Variants in TRIM28 observed in about 807,000 individuals in gnomAD.
TRIM28 encodes transcription intermediary factor 1-beta.
Under a neutral mutation model 87.4 loss-of-function variants are expected in TRIM28, and 8 were observed. The ratio of observed to expected loss-of-function variants is 0.09; its 90% confidence interval spans 0.05 to 0.17. The LOEUF (loss-of-function observed/expected upper bound fraction) is 0.17. TRIM28 is among the 10% of genes least tolerant of loss of function. The pLI is 1.00. For missense variants in TRIM28, 968 were observed against 1,131.8 expected, an observed-to-expected ratio of 0.86 and a Z score of 2.08; for synonymous variants, 601 against 454.3, an observed-to-expected ratio of 1.32 and a Z score of -4.11.
At chr19:58,545,953 C>G in intron 3 of TRIM28, 57 bp downstream of exon 3, 1 of 1,545,712 alleles carries the variant, frequency 6.5e-7, no homozygotes, top group Non-Finnish European at 8.8e-7. Context: ...CCCTCAGTTG[C>G]TTTTATGATG....
Position 58,550,563 on chromosome 19 carries a change from C to A in TRIM28, c.*10C>A, listed in dbSNP as rs766605488. The stretch of plus-strand genomic sequence containing the variant: ...TGGTGATGGCCCCTGAGGCTGGAGC[C>A]CCCATGGCCAGCCCAGCCTGGCTCT... On this transcript the variant is annotated 3_prime_UTR_variant, in exon 17 of 17. Coordinates refer to ENST00000253024, the MANE Select transcript of TRIM28 (RefSeq NM_005762.3). The A allele has an allele frequency of 3.1e-6, 5 of 1,601,316 alleles. No individual in the cohort carries two copies. The highest frequency in any genetic ancestry group is 1.3e-5 in the African/African-American group (1 of 74,814).
chr19:58,550,317 G>C (rs777428708), intron 16 of TRIM28, 33 bp downstream of exon 16: 1 of 1,613,640 alleles, frequency 6.2e-7, no homozygotes, highest in Admixed American at 1.7e-5. Flanking sequence ...CTGTGGGCAG[G>C]GGGAGATGTG....
chr19:58,547,146 T>C, intron 3 of TRIM28: 1 of 564,468 alleles, frequency 1.8e-6, no homozygotes, highest in Non-Finnish European at 3.1e-6. Context: ...TTGTTATCTC[T>C]AGAAGCTAGA....
In TRIM28 at chr19:58,545,003, C is replaced by T. The variant is rs763682767; in HGVS notation, c.246C>T (p.Pro82=). The T allele has an allele frequency of 6.6e-7, 1 of 1,514,408 alleles. No individual in the cohort carries two copies. Among genetic ancestry groups the T allele is most frequent in the South Asian group, 1.2e-5 (1 of 81,890 alleles). 93.8% of individuals were successfully genotyped at this position (1,514,408 alleles called of 1,614,324 possible). The change falls in exon 1 of 17, where the codon CCC becomes CCT. Residue 82 remains proline (P), a synonymous_variant. Transcript: ENST00000253024. ...CCGAGAGGGAGCCCCGCCTGCTGCC[C>T]TGTTTGCACTCGGCCTGTAGTGCCT... ...LRPEREPRLL[P]CLHSACSACL...
Position 58,549,116 on chromosome 19 carries a change from C to T in TRIM28, c.1538C>T (p.Thr513Ile), listed in dbSNP as rs1235643986. 6.2e-7 allele frequency: 1 copy of T among 1,614,164 alleles called. No individual in the cohort carries two copies. Among genetic ancestry groups the T allele is most frequent in the Admixed American group, 1.7e-5 (1 of 60,028 alleles). Residue 513 changes from threonine (T) to isoleucine (I), a missense_variant, in exon 12 of 17, where the codon ACC becomes ATC. Around this residue, in one of 11 missense-constraint regions of TRIM28, gnomAD observed 23 missense variants for 56.7 expected, o/e 0.41. Coordinates refer to ENST00000253024, the MANE Select transcript of TRIM28 (RefSeq NM_005762.3). The surrounding 1 kb of genome is among the most constrained non-coding windows in gnomAD (Gnocchi z 4.4). The part of the protein sequence containing the change: ...PPVFKVFPGS[T>I]TEDYNLIVIE... ...GTCTTCAAGGTCTTCCCAGGCAGTACCACTGAGGACTACAACCTTATTGTT... is the reference window on the plus strand; with the variant it reads ...GTCTTCAAGGTCTTCCCAGGCAGTATCACTGAGGACTACAACCTTATTGTT...
chr19:58,544,846 A>G lies in TRIM28; in HGVS notation c.89A>G (p.Glu30Gly). ...PGPGEGSAGGEKRSTAPSAAA... is the reference protein window; with the variant it reads ...PGPGEGSAGGGKRSTAPSAAA... ...CCGGGCGAGGGCTCCGCTGGCGGCG[A>G]AAAGCGCTCCACCGCCCCTTCGGCC... The change falls in exon 1 of 17, where the codon GAA becomes GGA. Residue 30 changes from glutamate (E) to glycine (G), a missense_variant. Transcript: ENST00000253024. 2 of 1,285,552 alleles carry G rather than the reference A, an allele frequency of 1.6e-6. No individual in the cohort carries two copies. The highest frequency in any genetic ancestry group is 9.8e-7 in the Non-Finnish European group (1 of 1,017,020). 79.6% of individuals were successfully genotyped at this position (1,285,552 alleles called of 1,614,324 possible).
chr19:58,547,243 C>T, intron 3 of TRIM28, 133 bp from the exon 4 acceptor site: 1 of 1,202,336 alleles, frequency 8.3e-7, no homozygotes, highest in South Asian at 1.5e-5. Context: ...CTTCCCTGGC[C>T]ACACCCTCTA....
At chr19:58,545,632 TC>T in intron 2 of TRIM28, 95 bp downstream of exon 2, 1 of 1,496,306 alleles carries the variant, frequency 6.7e-7, no homozygotes, top group Non-Finnish European at 9.2e-7. Context: ...TACTCCACTT[TC>T]CCAAGGCTCT....
chr19:58,547,076 TG>T (rs1053306776), intron 3 of TRIM28: 3 of 206,222 alleles, frequency 1.5e-5, no homozygotes, highest in Non-Finnish European at 1.7e-5. Flanking sequence ...TCAGCGGGGG[TG>T]GGGGGTGGGG....
At position 58,549,617 on chromosome 19, in the gene TRIM28, A is replaced by G; in HGVS notation, c.1949A>G (p.Asp650Gly). 1 of 1,613,600 alleles carries G rather than the reference A, an allele frequency of 6.2e-7. No individual in the cohort carries two copies. ...CAGTGTGAGTTTTGTTTCCACCTGG[A>G]CTGTCACCTGCCGGCCCTGCAGGAT... ...CNQCEFCFHLDCHLPALQDVP... is the reference protein window; with the variant it reads ...CNQCEFCFHLGCHLPALQDVP... Residue 650 changes from aspartate to glycine, a missense_variant, in exon 13 of 17, where the codon GAC becomes GGC. This residue lies in a region of TRIM28 where 18 missense variants were observed against 40.9 expected (regional missense o/e 0.44). Transcript: ENST00000253024. This position sits in a 1 kb window ranked among gnomAD's most constrained non-coding sequence, Gnocchi z 4.4.
At position 58,545,757 on chromosome 19, in the gene TRIM28, C is replaced by T. The variant is rs371102976; in HGVS notation, c.454-7C>T. 8 of 1,599,712 alleles carry T rather than the reference C, an allele frequency of 5.0e-6. No homozygotes were observed. The highest frequency in any genetic ancestry group is 2.7e-5 in the African/African-American group (2 of 74,630). ...TTGCCTTCTCTGACCCTGCCTTTGT[C>T]TGGCAGTGCTGCACTAGCTGTGAGG... On this transcript the variant is annotated splice_polypyrimidine_tract_variant and splice_region_variant and intron_variant, in intron 2 of 16. Transcript: ENST00000253024.
chr19:58,549,892 C>T lies in TRIM28; in HGVS notation c.2106+32C>T, dbSNP rs746200059. The T allele has an allele frequency of 1.3e-5, 21 of 1,613,560 alleles. No homozygotes were observed. The highest frequency in any genetic ancestry group is 1.8e-5 in the Non-Finnish European group (21 of 1,179,748). On this transcript the variant is annotated intron_variant, in intron 14 of 16. Transcript: ENST00000253024. This position sits in a 1 kb window ranked among gnomAD's most constrained non-coding sequence, Gnocchi z 4.4. ...GCTGGGGTTACTTAGGTGGGGTTGC[C>T]CAGAGAGGCTTTATAGGTGCTGCCC...
chr19:58,550,309 G>A (rs950965380), intron 16 of TRIM28, 25 bp downstream of exon 16: 3 of 1,613,776 alleles, frequency 1.9e-6, no homozygotes, highest in African/African-American at 2.7e-5. Context: ...TGGAGAGGCT[G>A]TGGGCAGGGG....
rs1568661801 is a variant in TRIM28 at position 58,548,781 on chromosome 19, G to A, written c.1360+5G>A. On this transcript the variant is annotated splice_donor_5th_base_variant and intron_variant, in intron 10 of 16. Coordinates refer to ENST00000253024, the MANE Select transcript of TRIM28 (RefSeq NM_005762.3). The stretch of plus-strand genomic sequence containing the variant: ...AAGGCTATGGCTTTGGGTCAGGTGA[G>A]TGGGTCTGCCTAGTGGGTGGGGAAG... The A allele has an allele frequency of 6.2e-7, 1 of 1,614,132 alleles. No homozygotes were observed. The highest frequency in any genetic ancestry group is 1.7e-5 in the Admixed American group (1 of 60,028).
At chr19:58,546,567 A>C (rs146383200) in intron 3 of TRIM28, among the ~76,000 whole-genome samples, 29 of 152,260 alleles carry the variant, frequency 1.9e-4, no homozygotes, top group Non-Finnish European at 2.5e-4. Flanking sequence ...GTGGGGCCTG[A>C]GCAGCCAGGA....
In TRIM28 at chr19:58,548,857, C is replaced by T. The variant is rs1435351904; in HGVS notation, c.1361-5C>T. On this transcript the variant is annotated splice_region_variant and splice_polypyrimidine_tract_variant and intron_variant, in intron 10 of 16. Coordinates refer to ENST00000253024, the MANE Select transcript of TRIM28 (RefSeq NM_005762.3). Reference sequence around the variant, plus strand: ...CCTGCCAGTCTTCTTTCTCCATTTTCTAAGGAGATGATCCCTACTCAAGTG... The same window carrying T: ...CCTGCCAGTCTTCTTTCTCCATTTTTTAAGGAGATGATCCCTACTCAAGTG... 1 of 1,614,094 alleles carries T rather than the reference C, an allele frequency of 6.2e-7. No homozygotes were observed. The highest frequency in any genetic ancestry group is 1.7e-5 in the Admixed American group (1 of 60,014).
In TRIM28 at chr19:58,550,005, T is replaced by C. The variant is rs140606602; in HGVS notation, c.2163T>C (p.His721=). 45 of 1,613,990 alleles carry C rather than the reference T, an allele frequency of 2.8e-5. No homozygotes were observed. The African/African-American group carries it at 5.9e-4, about 21-fold the overall frequency. ...GTCACGAACCCTGCCGCCCCCTGCA[T>C]CAGCTGGCTACCGACTCCACCTTCT... ...LFCHEPCRPL[H]QLATDSTFSL... Residue 721 remains histidine (H), a synonymous_variant, in exon 15 of 17, where the codon CAT becomes CAC. Transcript: ENST00000253024.
Position 58,549,220 on chromosome 19 carries a change from G to A in TRIM28, c.1642G>A (p.Ala548Thr). Residue 548 changes from alanine to threonine, a missense_variant, in exon 12 of 17, where the codon GCT (alanine) becomes ACT (threonine). Ala to Thr is a moderately conservative substitution (Grantham distance 58, BLOSUM62 0). This residue lies in a region of TRIM28 where 164 missense variants were observed against 146.2 expected (regional missense o/e 1.12). Transcript: ENST00000253024. The surrounding 1 kb of genome is among the most constrained non-coding windows in gnomAD (Gnocchi z 4.4). ...PAGTPGAPPL[A>T]GMAIVKEEET... ...AGGAACCCCTGGTGCCCCACCCCTG[G>A]CTGGCATGGCCATTGTCAAGGTAAG... is the stretch of plus-strand genomic sequence containing the variant. 1 of 1,613,656 alleles carries A rather than the reference G, an allele frequency of 6.2e-7. No individual in the cohort carries two copies. The highest frequency in any genetic ancestry group is 1.1e-5 in the South Asian group (1 of 91,064).
At chr19:58,545,255 T>C (rs2053750792) in intron 1 of TRIM28, 158 bp downstream of exon 1, 1 of 906,172 alleles carries the variant, frequency 1.1e-6, no homozygotes, top group Middle Eastern at 3.5e-4. Flanking sequence ...GGGTTTGTGC[T>C]GGCCGCTGAG....
Sources: allele counts gnomAD v4.1 joint callset (sites outside exome capture counted in the v4.1 genomes callset), GRCh38; gene constraint gnomAD v4.1.1; regional missense constraint gnomAD v4.1.1; non-coding constraint Gnocchi (gnomAD v3.1); transcripts MANE v1.5; gene names NCBI Gene and HGNC (gene_info 2026-07-23, HGNC 2026-07-21).